Variants in LMNTD1 observed in about 807,000 individuals in gnomAD.
LMNTD1 encodes lamin tail domain-containing protein 1.
In LMNTD1, 35 loss-of-function variants were observed where a neutral mutation model predicts 50.9. That is an observed-to-expected ratio of 0.69 (90% CI 0.53 to 0.91). LMNTD1 has a LOEUF of 0.91. Ranked by LOEUF, LMNTD1 falls within the 40% of genes least tolerant of loss-of-function variation. The probability of loss-of-function intolerance (pLI) is 0.00; values close to 1 mark genes in which losing one functional copy is unlikely to be tolerated. For missense variants in LMNTD1, 470 were observed against 475.5 expected, an observed-to-expected ratio of 0.99 and a Z score of 0.11; for synonymous variants, 153 against 161.9, an observed-to-expected ratio of 0.94 and a Z score of 0.42.
At chr12:25,490,176 A>C (rs7303078) in intron 9 of LMNTD1, among the ~76,000 whole-genome samples, 39,685 of 152,164 alleles carry the variant, frequency 0.26, 5,350 homozygotes, top group Middle Eastern at 0.34. Flanking sequence ...AAAGTTAGCA[A>C]GAAATAAGCA....
At chr12:25,623,462 G>C in intron 1 of LMNTD1, among the ~76,000 whole-genome samples, 1 of 145,430 alleles carries the variant, frequency 6.9e-6, no homozygotes, top group East Asian at 2.3e-4. Flanking sequence ...GCTGAGGTGA[G>C]AGAATCACTT....
intron 9 of LMNTD1, among the ~76,000 whole-genome samples, chr12:25,498,310 T>C (rs1269174109): frequency 1.3e-5 from 2 of 152,186 alleles, no homozygotes; most frequent in African/African-American, 4.8e-5. Context: ...GTTCTGTCCA[T>C]GGGATTTTGC....
rs374716033 is a variant in LMNTD1, at chr12:25,503,799, C to T, written c.1191G>A (p.Gly397=). ...ACTCAGATGTCTTCTTTTTCTTAGA[C>T]CCTGAAAATTAAAAAAAATAATTAA... ...TRSTRPNRAS[G]SKKKKTSESQ... is the part of the protein sequence containing the mutation. Residue 397 remains glycine, a splice_region_variant and synonymous_variant, in exon 9 of 10, where the codon GGG becomes GGA. Coordinates refer to ENST00000458174, the MANE Select transcript of LMNTD1 (RefSeq NM_001145728.2). 13 of 1,560,020 alleles carry T rather than the reference C, an allele frequency of 8.3e-6. No homozygotes were observed. Among genetic ancestry groups the T allele is most frequent in the Non-Finnish European group, 7.9e-6 (9 of 1,143,694 alleles).
In LMNTD1 at chr12:25,616,797, A is replaced by T. The variant is rs536084441; in HGVS notation, c.58+31697T>A. ...CATTCTGGAAAAAAAGCGAAACTATAGGGACAGAAAACAGAGTTCTGTTTC... is the reference window on the plus strand; with the variant it reads ...CATTCTGGAAAAAAAGCGAAACTATTGGGACAGAAAACAGAGTTCTGTTTC... On this transcript the variant is annotated intron_variant, in intron 1 of 7. Coordinates refer to the LMNTD1 transcript ENST00000445693. 7.9e-5 allele frequency among the ~76,000 whole-genome samples: 12 copies of T among 152,318 alleles called. No homozygotes were observed. In the East Asian group the frequency reaches 2.3e-3, roughly 29 times the overall value.
At chr12:25,523,376 C>A (rs1000139663) in intron 6 of LMNTD1, among the ~76,000 whole-genome samples, 83 of 152,132 alleles carry the variant, frequency 5.5e-4, no homozygotes, top group Non-Finnish European at 1.9e-4. Context: ...TCTCTTTGCC[C>A]CATCTTACAA....
At chr12:25,637,726 T>C (rs1418543389) in intron 1 of LMNTD1, among the ~76,000 whole-genome samples, 3 of 152,060 alleles carry the variant, frequency 2.0e-5, no homozygotes, top group Non-Finnish European at 4.4e-5. Flanking sequence ...CTCTTCCAAT[T>C]CAACAATAAA....
intron 8 of LMNTD1, among the ~76,000 whole-genome samples, chr12:25,512,403 G>T (rs536409243): frequency 6.6e-6 from 1 of 152,124 alleles, no homozygotes; most frequent in Non-Finnish European, 1.5e-5. Flanking sequence ...TCTAGGAGAC[G>T]TTTGACATGT....
At chr12:25,539,628 A>G (rs1270051935) in intron 4 of LMNTD1, among the ~76,000 whole-genome samples, 1 of 151,892 alleles carries the variant, frequency 6.6e-6, no homozygotes, top group Admixed American at 6.6e-5. Context: ...AGCAGGAAAG[A>G]TCCAAAATTG....
chr12:25,499,803 T>G (rs562400111), intron 9 of LMNTD1: 1 of 152,158 alleles, frequency 6.6e-6, no homozygotes, highest in African/African-American at 2.4e-5. Flanking sequence ...TCTGTAGAAG[T>G]CTTAGTAGGA....
At chr12:25,562,599 G>A (rs949744223) in intron 1 of LMNTD1, among the ~76,000 whole-genome samples, 7 of 152,164 alleles carry the variant, frequency 4.6e-5, no homozygotes, top group Admixed American at 2.0e-4. Flanking sequence ...TGGTGAATCT[G>A]ACAATTATGT....
At chr12:25,596,253 C>G (rs898420144) in intron 1 of LMNTD1, among the ~76,000 whole-genome samples, 2 of 151,982 alleles carry the variant, frequency 1.3e-5, no homozygotes, top group African/African-American at 4.8e-5. Context: ...ATAACAGAAC[C>G]AGGAAAGGAT....
chr12:25,499,351 A>G (rs1245971719), intron 9 of LMNTD1, among the ~76,000 whole-genome samples: 2 of 152,186 alleles, frequency 1.3e-5, no homozygotes, highest in Non-Finnish European at 2.9e-5. Context: ...CACAGTGCCC[A>G]GCCATGGGAG....
At position 25,562,039 on chromosome 12, in the gene LMNTD1, T is replaced by G. The variant is rs539524781; in HGVS notation, c.59-15485A>C. On this transcript the variant is annotated intron_variant, in intron 1 of 7. Coordinates refer to the LMNTD1 transcript ENST00000445693. ...TTGAGCCTATGTGTGTCTCTGCACA[T>G]GAGATGGGTCTGCTGAATACAGCAC... 3.9e-5 allele frequency among the ~76,000 whole-genome samples: 6 copies of G among 152,316 alleles called. No homozygotes were observed. In the East Asian group the frequency reaches 1.2e-3, roughly 29 times the overall value.
chr12:25,541,706 A>C (rs368433098), intron 4 of LMNTD1, among the ~76,000 whole-genome samples: 273 of 134,356 alleles, frequency 2.0e-3, no homozygotes, highest in African/African-American at 6.9e-3. Context: ...GCAACAAAAG[A>C]CAAAATTGAC....
intron 7 of LMNTD1, among the ~76,000 whole-genome samples, chr12:25,519,252 T>C (rs949270960): frequency 7.2e-5 from 11 of 152,154 alleles, no homozygotes; most frequent in African/African-American, 2.7e-4. Flanking sequence ...ACCTCACCTT[T>C]TCACCTCTCT....
chr12:25,583,031 T>TG (rs1383085625), intron 1 of LMNTD1, among the ~76,000 whole-genome samples: 1 of 144,874 alleles, frequency 6.9e-6, no homozygotes, highest in East Asian at 2.1e-4. Flanking sequence ...TTTTTTTTTT[T>TG]GAGACGGAGT....
rs150987133 is a variant in LMNTD1, at chr12:25,593,265, G to T, written c.59-46711C>A. ...CAAGAGGCCAACCATCACAAAAATAGTGCATTAAGCAACCAAAGCCAAGGA... is the reference window on the plus strand; with the variant it reads ...CAAGAGGCCAACCATCACAAAAATATTGCATTAAGCAACCAAAGCCAAGGA... On this transcript the variant is annotated intron_variant, in intron 1 of 7. Coordinates refer to the LMNTD1 transcript ENST00000445693. 1.5e-4 allele frequency among the ~76,000 whole-genome samples: 23 copies of T among 152,230 alleles called. No individual in the cohort carries two copies. In the East Asian group the frequency reaches 4.2e-3, roughly 28 times the overall value.
At chr12:25,580,035 T>C (rs546342032) in intron 1 of LMNTD1, among the ~76,000 whole-genome samples, 4 of 152,296 alleles carry the variant, frequency 2.6e-5, no homozygotes, top group Middle Eastern at 3.4e-3. Context: ...TTCATTATCA[T>C]GTGCAACTAC....
intron 9 of LMNTD1, among the ~76,000 whole-genome samples, chr12:25,486,535 T>C (rs11502711): frequency 0.59 from 66,802 of 112,886 alleles, 20,635 homozygotes; most frequent in East Asian, 0.94. Context: ...GAACTTCCAA[T>C]ACCATGTTGA....
Sources: gnomAD v4.1 joint callset for allele counts (sites outside exome capture counted in the v4.1 genomes callset) on GRCh38, gnomAD v4.1.1 for gene constraint, MANE v1.5 for transcripts, NCBI Gene and HGNC (gene_info 2026-07-23, HGNC 2026-07-21) for gene names.